The following CALN1 variants were observed in gnomAD, a reference collection of about 807,000 sequenced individuals.
The protein encoded by CALN1 is calcium-binding protein 8.
In CALN1, 17 loss-of-function variants were observed where a neutral mutation model predicts 30.6. The observed-to-expected ratio is 0.56, with a 90% CI of 0.38 to 0.83. The LOEUF (loss-of-function observed/expected upper bound fraction) is 0.83. Among genes scored for constraint, CALN1 ranks in the 40% least tolerant of loss-of-function variants. The probability of loss-of-function intolerance (pLI) is 0.00; values close to 1 mark genes in which losing one functional copy is unlikely to be tolerated. For synonymous variants in CALN1, 156 were observed against 131.4 expected (o/e 1.19, Z -1.28); for missense variants, 291 against 354.9 (o/e 0.82, Z 1.45).
chr7:71,781,453 G>C lies in CALN1; in HGVS notation c.*6322C>G, dbSNP rs78074718. On this transcript the variant is annotated 3_prime_UTR_variant, in exon 7 of 7. Coordinates refer to ENST00000395275, the MANE Select transcript of CALN1 (RefSeq NM_031468.4). Reference sequence around the variant, plus strand: ...TCTTGAAATGCACAGAGCCTTTCGTGTGGATCAGACTGATGGGCAGCCCCA... The same window carrying C: ...TCTTGAAATGCACAGAGCCTTTCGTCTGGATCAGACTGATGGGCAGCCCCA... 4,174 of 152,340 alleles carry C rather than the reference G, an allele frequency of 0.027. 185 individuals carry two copies. The highest frequency in any genetic ancestry group is 0.093 in the African/African-American group (3,869 of 41,562). 9.4% of individuals were successfully genotyped at this position (152,340 alleles called of 1,614,324 possible).
At chr7:71,988,787 G>A (rs1340053013) in intron 5 of CALN1, among the ~76,000 whole-genome samples, 1 of 152,058 alleles carries the variant, frequency 6.6e-6, no homozygotes, top group Non-Finnish European at 1.5e-5. Context: ...CACTACATGG[G>A]AATAGGAGGG....
chr7:72,414,978 A>G (rs1460245962), upstream of CALN1, among the ~76,000 whole-genome samples: 1 of 152,194 alleles, frequency 6.6e-6, no homozygotes, highest in South Asian at 2.1e-4. Context: ...CCCTAATCCA[A>G]TTGGACTGTG....
chr7:71,797,708 A>G (rs1016081687), intron 6 of CALN1, among the ~76,000 whole-genome samples: 1 of 152,184 alleles, frequency 6.6e-6, no homozygotes, highest in African/African-American at 2.4e-5. Flanking sequence ...ACTCTGGTGC[A>G]GTAGCCAGGC....
At chr7:72,192,804 T>G (rs1204031799) in intron 3 of CALN1, among the ~76,000 whole-genome samples, 11 of 49,712 alleles carry the variant, frequency 2.2e-4, no homozygotes, top group African/African-American at 7.4e-4. Context: ...CCCTCCCCCC[T>G]CCCCCCACCC....
chr7:71,868,276 A>G (rs1197611325), intron 5 of CALN1, among the ~76,000 whole-genome samples: 2 of 151,958 alleles, frequency 1.3e-5, no homozygotes, highest in Admixed American at 1.3e-4. Context: ...GCTCCTGGAG[A>G]GGCTGCAGAA....
At chr7:72,333,578 G>C (rs555165473) in intron 2 of CALN1, among the ~76,000 whole-genome samples, 1 of 151,866 alleles carries the variant, frequency 6.6e-6, no homozygotes, top group Admixed American at 6.6e-5. Context: ...GCTGTTGCTG[G>C]TTGCACTGCT....
chr7:72,220,313 T>G (rs13308547), intron 3 of CALN1, among the ~76,000 whole-genome samples: 2,768 of 151,564 alleles, frequency 0.018, 71 homozygotes, highest in African/African-American at 0.063. Context: ...GTCCTTGCGA[T>G]AGTTTGCTGA....
Position 72,403,326 on chromosome 7 carries a change from T to C in CALN1, c.44A>G (p.Glu15Gly), listed in dbSNP as rs750725237. Residue 15 changes from glutamate to glycine, a missense_variant, in exon 2 of 7, where the codon GAG becomes GGG. Physicochemically the swap from Glu to Gly is moderately conservative, Grantham distance 98. Around this residue, in one of 2 missense-constraint regions of CALN1, gnomAD observed 122 missense variants for 103.2 expected, o/e 1.18. Coordinates refer to ENST00000395275, the MANE Select transcript of CALN1 (RefSeq NM_031468.4). ...GAGGGCTCCTCCGTCCCCCTTTTTC[T>C]CATTCTCGGGCTTCCCCTCTCCGGG... ...EQPGEGKPEN[E>G]KKGDGGALGG... The C allele has an allele frequency of 5.8e-6, 9 of 1,549,794 alleles. No individual in the cohort carries two copies. In the South Asian group the frequency reaches 1.1e-4, roughly 18 times the overall value.
chr7:72,373,077 G>A (rs947536675), intron 2 of CALN1, among the ~76,000 whole-genome samples: 2 of 152,064 alleles, frequency 1.3e-5, no homozygotes, highest in Admixed American at 1.3e-4. Flanking sequence ...ATGACCATGT[G>A]GAAATTTTAG....
intron 3 of CALN1, among the ~76,000 whole-genome samples, chr7:72,148,101 T>TAAAAA (rs71300800): frequency 1.1e-5 from 1 of 92,158 alleles, no homozygotes. Context: ...TAAAAAAAAA[T>TAAAAA]AAAAAAAAAA....
At chr7:71,795,459 TTTTTAA>T (rs1786842025) in intron 6 of CALN1, among the ~76,000 whole-genome samples, 1 of 152,246 alleles carries the variant, frequency 6.6e-6, no homozygotes, top group South Asian at 2.1e-4. Context: ...TATTTATTTA[TTTTTAA>T]TTAAGATATA....
At chr7:71,987,424 C>T (rs1257567146) in intron 5 of CALN1, among the ~76,000 whole-genome samples, 1 of 152,290 alleles carries the variant, frequency 6.6e-6, no homozygotes, top group East Asian at 1.9e-4. Flanking sequence ...CCCAGCAAGC[C>T]CTGACTACTA....
At chr7:71,860,623 T>A (rs189305376) in intron 5 of CALN1, among the ~76,000 whole-genome samples, 176 of 152,288 alleles carry the variant, frequency 1.2e-3, no homozygotes, top group African/African-American at 3.9e-3. Context: ...CCCTTTTTGG[T>A]AACAACAACA....
intron 1 of CALN1, among the ~76,000 whole-genome samples, chr7:72,432,115 G>A (rs187600957): frequency 2.8e-4 from 43 of 152,242 alleles, no homozygotes. Flanking sequence ...TCGTGGGAGG[G>A]ACCCAGTGGG....
chr7:71,981,178 A>G (rs1165076116), intron 5 of CALN1, among the ~76,000 whole-genome samples: 1 of 152,128 alleles, frequency 6.6e-6, no homozygotes, highest in Non-Finnish European at 1.5e-5. Flanking sequence ...CTTTTGTTAT[A>G]ATATTTAGTG....
At chr7:72,411,665 T>C (rs1585696676) in intron 1 of CALN1, among the ~76,000 whole-genome samples, 1 of 152,126 alleles carries the variant, frequency 6.6e-6, no homozygotes, top group East Asian at 1.9e-4. Context: ...GGCCTAAAAG[T>C]GGATAAGTTC....
intron 2 of CALN1, among the ~76,000 whole-genome samples, chr7:72,390,669 T>G (rs1805522563): frequency 1.3e-5 from 2 of 152,096 alleles, no homozygotes; most frequent in African/African-American, 2.4e-5. Flanking sequence ...TGCCACTATT[T>G]TACTATCATG....
At chr7:71,977,466 A>C (rs1798155154) in intron 5 of CALN1, among the ~76,000 whole-genome samples, 1 of 152,082 alleles carries the variant, frequency 6.6e-6, no homozygotes, top group Admixed American at 6.6e-5. Context: ...AAAAATGAAA[A>C]CGTGAGTTTG....
At chr7:71,863,855 C>A (rs1327535691) in intron 5 of CALN1, among the ~76,000 whole-genome samples, 2 of 152,124 alleles carry the variant, frequency 1.3e-5, no homozygotes, top group East Asian at 3.9e-4. Context: ...ATGTTTCCAG[C>A]TCTCTCTCTT....
Sources: gnomAD v4.1 joint callset for allele counts (sites outside exome capture counted in the v4.1 genomes callset) on GRCh38, gnomAD v4.1.1 for gene constraint, gnomAD v4.1.1 regional missense constraint, MANE v1.5 for transcripts, NCBI Gene and HGNC (gene_info 2026-07-23, HGNC 2026-07-21) for gene names.